The following FOXD4L1 variants were observed in gnomAD, a reference collection of about 807,000 sequenced individuals.
FOXD4L1 encodes forkhead box protein D4-like 1.
In FOXD4L1, 10 loss-of-function variants were observed where a neutral mutation model predicts 24.8. The ratio of observed to expected loss-of-function variants is 0.40; its 90% CI spans 0.25 to 0.68. The LOEUF is 0.68. Ranked by LOEUF, FOXD4L1 falls within the 30% of genes least tolerant of loss-of-function variation. The pLI is 0.37. For missense variants in FOXD4L1, 364 were observed against 572.4 expected, an observed-to-expected ratio of 0.64 and a Z score of 3.72; for synonymous variants, 159 against 256.4, an observed-to-expected ratio of 0.62 and a Z score of 3.63.
At chr2:113,500,168 T>A (rs780806672) in exon 1 of FOXD4L1, 1 of 1,533,866 alleles carries the variant, frequency 6.5e-7, no homozygotes, top group Non-Finnish European at 8.8e-7. Context: ...CACTTGGTCC[T>A]CAGCCTTGGG....
At chr2:113,500,571 C>T in exon 1 of FOXD4L1, 1 of 1,490,602 alleles carries the variant, frequency 6.7e-7, no homozygotes, top group Non-Finnish European at 9.0e-7. Context: ...TGGCCAAGTC[C>T]GCAGGGCCCT....
At chr2:113,499,572 G>A in exon 1 of FOXD4L1, 1 of 1,609,536 alleles carries the variant, frequency 6.2e-7, no homozygotes, top group South Asian at 1.1e-5. Context: ...CCGGCAGCCG[G>A]CAAAGCCCCC....
At chr2:113,499,580 C>T (rs753338575) in exon 1 of FOXD4L1, 52 of 1,610,116 alleles carry the variant, frequency 3.2e-5, no homozygotes, top group Non-Finnish European at 2.0e-5. Context: ...CGGCAAAGCC[C>T]CCCTACTCGT....
In FOXD4L1 at chr2:113,499,980, C is replaced by T. The variant is rs1395522944; in HGVS notation, c.724C>T (p.Pro242Ser). Residue 242 changes from proline to serine, a missense_variant, in exon 1 of 1, where the codon CCG (proline) becomes TCG (serine). Coordinates refer to ENST00000306507, the Ensembl canonical transcript of FOXD4L1. ...CCCTCTGCTTGGGGCCCCTGCCCTG[C>T]CGCAGCCAGTCCCGGGGGCCTACCC... 5 of 1,533,584 alleles carry T rather than the reference C, an allele frequency of 3.3e-6. 1 individual carries two copies. Among genetic ancestry groups the T allele is most frequent in the South Asian group, 1.1e-5 (1 of 87,576 alleles). 95.0% of individuals were successfully genotyped at this position (1,533,584 alleles called of 1,614,324 possible). A position where few individuals can be genotyped will look rare whatever the true frequency, so the allele number is the denominator to read the frequency against.
exon 1 of FOXD4L1, chr2:113,500,052 C>T (rs767696043): frequency 6.3e-7 from 1 of 1,586,022 alleles, no homozygotes; most frequent in Non-Finnish European, 8.5e-7. Context: ...GCACCCGCAT[C>T]CTCCTCGCTA....
chr2:113,499,038 G>C, exon 1 of FOXD4L1: 4 of 717,074 alleles, frequency 5.6e-6, no homozygotes, highest in Non-Finnish European at 6.9e-6. Flanking sequence ...AAAGGGGGGA[G>C]TCCACCACAC....
chr2:113,499,990 T>A, exon 1 of FOXD4L1: 1 of 1,582,212 alleles, frequency 6.3e-7, no homozygotes, highest in Non-Finnish European at 8.5e-7. Context: ...CCGCAGCCAG[T>A]CCCGGGGGCC....
exon 1 of FOXD4L1, chr2:113,499,766 C>A: frequency 6.5e-7 from 1 of 1,546,452 alleles, no homozygotes. Flanking sequence ...AGATCCCCCG[C>A]GAGCCGGGCC....
exon 1 of FOXD4L1, chr2:113,500,156 C>G (rs1451433516): frequency 3.3e-6 from 5 of 1,524,684 alleles, no homozygotes; most frequent in African/African-American, 1.4e-5. Context: ...TGCTGCAGCC[C>G]TCACTTGGTC....
At chr2:113,501,061 CTG>C (rs2104913155) in exon 1 of FOXD4L1, 1 of 153,232 alleles carries the variant, frequency 6.5e-6, no homozygotes, top group Non-Finnish European at 1.5e-5. Context: ...GATTTCTTAT[CTG>C]TGTGTCTGAC....
At chr2:113,500,324 G>A in exon 1 of FOXD4L1, 2 of 1,523,140 alleles carry the variant, frequency 1.3e-6, no homozygotes, top group Non-Finnish European at 1.8e-6. Context: ...CCCTGCTCCA[G>A]CGACCGTCAA....
chr2:113,499,403 G>A, exon 1 of FOXD4L1: 2 of 1,607,180 alleles, frequency 1.2e-6, no homozygotes, highest in Non-Finnish European at 1.7e-6. Flanking sequence ...CGAGCCAGAA[G>A]TTCCTAGAGC....
exon 1 of FOXD4L1, chr2:113,500,512 G>A (rs1682424626): frequency 6.6e-7 from 1 of 1,515,222 alleles, no homozygotes; most frequent in Non-Finnish European, 8.9e-7. Flanking sequence ...CCCTTTGGGC[G>A]GAGAGGGGAC....
chr2:113,500,000 C>T, exon 1 of FOXD4L1: 1 of 1,585,646 alleles, frequency 6.3e-7, no homozygotes, highest in Non-Finnish European at 8.5e-7. Context: ...TCCCGGGGGC[C>T]TACCCCAACA....
At chr2:113,499,598 G>C (rs543809844) in exon 1 of FOXD4L1, 15 of 1,611,452 alleles carry the variant, frequency 9.3e-6, no homozygotes, top group Middle Eastern at 1.7e-4. Context: ...CGTACATCGC[G>C]CTCATCACCA....
Position 113,500,228 on chromosome 2 carries a change from C to A in FOXD4L1, c.972C>A (p.Phe324Leu), listed in dbSNP as rs772172680. ...CACCGGGAGGCGGATGCATCTCTTT[C>A]AGCATTGAGAGTATCATGCAAGGGG... is the stretch of plus-strand genomic sequence containing the variant. The change falls in exon 1 of 1, where the codon TTC becomes TTA. Residue 324 changes from phenylalanine (F) to leucine (L), a missense_variant. Coordinates refer to ENST00000306507, the Ensembl canonical transcript of FOXD4L1. The A allele has an allele frequency of 4.3e-5, 67 of 1,557,270 alleles. 9 individuals are homozygous for A. The highest frequency in any genetic ancestry group is 4.1e-4 in the Admixed American group (22 of 54,110).
chr2:113,499,657 G>A, exon 1 of FOXD4L1: 1 of 1,611,768 alleles, frequency 6.2e-7, no homozygotes, highest in Non-Finnish European at 8.5e-7. Flanking sequence ...AGCGGCATCT[G>A]CGCCTTCATT....
chr2:113,499,461 C>A, exon 1 of FOXD4L1: 1 of 1,574,102 alleles, frequency 6.4e-7, no homozygotes, highest in South Asian at 1.1e-5. Context: ...CGGGGTTGCG[C>A]TTCCCCGAGA....
exon 1 of FOXD4L1, chr2:113,500,995 CTG>C (rs1324964846): frequency 5.3e-6 from 1 of 187,182 alleles, no homozygotes; most frequent in Non-Finnish European, 1.2e-5. Flanking sequence ...CTTCTACTCT[CTG>C]TGTCTTCCTG....
Sources: gnomAD v4.1 joint callset for allele counts on GRCh38, gnomAD v4.1.1 for gene constraint, MANE v1.5 for transcripts, NCBI Gene and HGNC (gene_info 2026-07-23, HGNC 2026-07-21) for gene names.